Variants in FHIT observed in about 807,000 individuals in gnomAD.
FHIT encodes the protein bis(5'-adenosyl)-triphosphatase.
A neutral mutation model predicts 17.9 loss-of-function variants in FHIT; 19 were observed. That is an observed-to-expected ratio of 1.06 (90% CI 0.74 to 1.56). FHIT has a LOEUF of 1.56. Ranked by LOEUF, FHIT falls within the 40% of genes most tolerant of loss-of-function variation. The pLI is 0.00. For missense variants in FHIT, 248 were observed against 189.2 expected (o/e 1.31, Z -1.82); for synonymous variants, 81 against 69.7 (o/e 1.16, Z -0.81).
intron 7 of FHIT, among the ~76,000 whole-genome samples, chr3:59,946,140 G>A (rs574110567): frequency 1.3e-5 from 2 of 152,286 alleles, no homozygotes; most frequent in African/African-American, 4.8e-5. Context: ...TAACAGTATT[G>A]ATTCTTCCTA....
At chr3:61,153,453 A>G (rs895787802) in intron 2 of FHIT, among the ~76,000 whole-genome samples, 3 of 152,300 alleles carry the variant, frequency 2.0e-5, no homozygotes, top group African/African-American at 7.2e-5. Flanking sequence ...GATGATAGTG[A>G]ACCCCCAGTT....
intron 3 of FHIT, among the ~76,000 whole-genome samples, chr3:60,882,930 T>A (rs1553758342): frequency 2.0e-5 from 3 of 152,196 alleles, no homozygotes; most frequent in African/African-American, 7.2e-5. Context: ...AAATTGTCCC[T>A]GTTTACAGAT....
chr3:59,808,463 G>T (rs1307288469), intron 8 of FHIT, among the ~76,000 whole-genome samples: 2 of 152,170 alleles, frequency 1.3e-5, no homozygotes, highest in Non-Finnish European at 2.9e-5. Flanking sequence ...ACCTCTGCCA[G>T]TGATGACCAG....
chr3:61,033,874 G>A (rs1268691027), intron 3 of FHIT, among the ~76,000 whole-genome samples: 2 of 152,162 alleles, frequency 1.3e-5, no homozygotes, highest in East Asian at 3.8e-4. Context: ...GTCAGTGGCT[G>A]GGCTGCATAG....
At chr3:60,682,190 C>T (rs558317984) in intron 4 of FHIT, among the ~76,000 whole-genome samples, 1 of 152,218 alleles carries the variant, frequency 6.6e-6, no homozygotes, top group East Asian at 1.9e-4. Flanking sequence ...CTAGGCTGGT[C>T]TCGAACTCCT....
At chr3:60,451,902 T>C (rs1280323786) in intron 5 of FHIT, among the ~76,000 whole-genome samples, 2 of 152,196 alleles carry the variant, frequency 1.3e-5, no homozygotes, top group East Asian at 1.9e-4. Context: ...ATACAATCCT[T>C]AGGCCCACAT....
chr3:60,894,557 T>C (rs7651656), intron 3 of FHIT, among the ~76,000 whole-genome samples: 4,696 of 152,180 alleles, frequency 0.031, 238 homozygotes, highest in African/African-American at 0.11. Context: ...GAGAATGAAA[T>C]GAGCTATCTT....
intron 4 of FHIT, among the ~76,000 whole-genome samples, chr3:60,754,015 TA>T (rs1425929331): frequency 6.6e-6 from 1 of 152,090 alleles, no homozygotes; most frequent in Non-Finnish European, 1.5e-5. Flanking sequence ...TCAGGATCAA[TA>T]AAAGGGCCTT....
intron 5 of FHIT, among the ~76,000 whole-genome samples, chr3:60,074,183 G>C (rs1244865642): frequency 6.6e-6 from 1 of 152,074 alleles, no homozygotes; most frequent in African/African-American, 2.4e-5. Context: ...ACAAGAATCA[G>C]AGTAAATGAC....
intron 4 of FHIT, among the ~76,000 whole-genome samples, chr3:60,741,493 A>G (rs1433131123): frequency 6.6e-6 from 1 of 152,240 alleles, no homozygotes; most frequent in African/African-American, 2.4e-5. Flanking sequence ...TTTGTGCTCC[A>G]CAGCTGAAGC....
At chr3:60,785,920 CACACACACACACACAG>C (rs1700557665) in intron 4 of FHIT, among the ~76,000 whole-genome samples, 1 of 149,780 alleles carries the variant, frequency 6.7e-6, no homozygotes, top group Non-Finnish European at 1.5e-5. Flanking sequence ...CACACACACA[CACACACACACACACAG>C]AGAGAGTACT....
chr3:59,863,252 C>G (rs546340319), intron 8 of FHIT, among the ~76,000 whole-genome samples: 2 of 152,296 alleles, frequency 1.3e-5, no homozygotes, highest in Middle Eastern at 3.4e-3. Flanking sequence ...CGTTTCAGGG[C>G]CTGCTTTGTG....
intron 2 of FHIT, among the ~76,000 whole-genome samples, chr3:61,184,237 T>A (rs186604939): frequency 2.6e-5 from 4 of 152,202 alleles, no homozygotes; most frequent in African/African-American, 9.6e-5. Context: ...CATCTACTCA[T>A]GTTTACAGTT....
At chr3:60,561,071 T>C (rs1167351719) in intron 4 of FHIT, among the ~76,000 whole-genome samples, 3 of 152,020 alleles carry the variant, frequency 2.0e-5, no homozygotes, top group Non-Finnish European at 4.4e-5. Context: ...TTCATTGCAC[T>C]TTTCCATGTC....
At chr3:60,625,949 T>G (rs1334609397) in intron 4 of FHIT, among the ~76,000 whole-genome samples, 1 of 152,216 alleles carries the variant, frequency 6.6e-6, no homozygotes, top group Non-Finnish European at 1.5e-5. Context: ...AAATTCATTC[T>G]TTTGCATGTG....
intron 5 of FHIT, among the ~76,000 whole-genome samples, chr3:60,226,904 A>G (rs1194409829): frequency 1.3e-5 from 1 of 75,976 alleles, no homozygotes; most frequent in Non-Finnish European, 2.9e-5. Flanking sequence ...TAGAACATCT[A>G]TCTACCTAAC....
At chr3:60,783,999 G>C (rs1372621230) in intron 4 of FHIT, among the ~76,000 whole-genome samples, 1 of 152,094 alleles carries the variant, frequency 6.6e-6, no homozygotes, top group Non-Finnish European at 1.5e-5. Context: ...ATCACCCCTG[G>C]CCTCAGGAGT....
intron 8 of FHIT, among the ~76,000 whole-genome samples, chr3:59,877,912 T>A (rs1396612700): frequency 2.0e-5 from 3 of 152,192 alleles, no homozygotes; most frequent in Non-Finnish European, 2.9e-5. Context: ...ATGCAACAGC[T>A]CTCACTCAGA....
chr3:61,045,421 T>C (rs1218624852), intron 2 of FHIT, among the ~76,000 whole-genome samples: 2 of 152,172 alleles, frequency 1.3e-5, no homozygotes, highest in African/African-American at 2.4e-5. Context: ...AAGGGATCAA[T>C]TCAACAAGAA....
Sources: gnomAD v4.1 joint callset for allele counts (sites outside exome capture counted in the v4.1 genomes callset) on GRCh38, gnomAD v4.1.1 for gene constraint, MANE v1.5 for transcripts, NCBI Gene and HGNC (gene_info 2026-07-23, HGNC 2026-07-21) for gene names.